The following C11orf65 variants were observed in gnomAD, a reference collection of about 807,000 sequenced individuals.
C11orf65 encodes chromosome 11 open reading frame 65, also known as protein MFI.
Under a neutral mutation model 35.3 loss-of-function variants are expected in C11orf65, and 38 were observed. The ratio of observed to expected loss-of-function variants is 1.08; its 90% CI spans 0.83 to 1.41. The LOEUF (loss-of-function observed/expected upper bound fraction) is 1.41, where lower values mean the gene tolerates loss of function less well. Ranked by LOEUF, C11orf65 falls within the 40% of genes most tolerant of loss-of-function variation. The pLI is 0.00. For synonymous variants in C11orf65, 105 were observed against 114.4 expected (o/e 0.92, Z 0.53); for missense variants, 370 against 367.1 (o/e 1.01, Z -0.06).
chr11:108,347,535 T>G (rs1179219902), intron 2 of C11orf65, among the ~76,000 whole-genome samples: 19 of 152,186 alleles, frequency 1.2e-4, no homozygotes, highest in Admixed American at 1.2e-3. Flanking sequence ...AACAGTTAAC[T>G]CTGCCTGGGG....
intron 3 of C11orf65, among the ~76,000 whole-genome samples, chr11:108,419,351 C>A (rs1591513957): frequency 1.3e-5 from 2 of 152,210 alleles, no homozygotes; most frequent in African/African-American, 2.4e-5. Flanking sequence ...AAAATTGTAT[C>A]TCAATTAAAG....
At position 108,365,397 on chromosome 11, in the gene C11orf65, G is replaced by A. The variant is rs864622625; in HGVS notation, c.226+27811C>T. On this transcript the variant is annotated intron_variant, in intron 2 of 3. Transcript: ENST00000524755. ...GACTACAAGAGAAACTGAAAGGAGT[G>A]GAAGAAGGCACTGTGCTCAGTGTTG... The A allele has an allele frequency of 6.2e-7, 1 of 1,614,202 alleles. No individual in the cohort carries two copies. Among genetic ancestry groups the A allele is most frequent in the Non-Finnish European group, 8.5e-7 (1 of 1,180,050 alleles).
intron 6 of C11orf65, among the ~76,000 whole-genome samples, chr11:108,397,222 A>G (rs1207040957): frequency 1.3e-5 from 2 of 151,644 alleles, no homozygotes; most frequent in Non-Finnish European, 2.9e-5. Flanking sequence ...TCAGGAGGCT[A>G]AGGCAGGAGA....
intron 3 of C11orf65, among the ~76,000 whole-genome samples, chr11:108,408,681 A>ATAACATAACATAACATAACATAAC (rs1565659726): frequency 3.2e-4 from 21 of 64,654 alleles, no homozygotes; most frequent in African/African-American, 1.3e-3. Context: ...CAATAAATAA[A>ATAACATAACATAACATAACATAAC]ATAAAATAAA....
At chr11:108,401,858 T>C (rs188881009) in intron 6 of C11orf65, among the ~76,000 whole-genome samples, 15 of 152,308 alleles carry the variant, frequency 9.8e-5, no homozygotes, top group Admixed American at 9.2e-4. Flanking sequence ...TCTACCTAAA[T>C]CAGGCTTTGA....
intron 2 of C11orf65, among the ~76,000 whole-genome samples, chr11:108,353,291 G>A (rs2089431499): frequency 6.6e-6 from 1 of 151,938 alleles, no homozygotes. Context: ...TGGGATTATA[G>A]GCACCTGCTA....
chr11:108,443,529 C>T (rs1052775653), intron 2 of C11orf65, among the ~76,000 whole-genome samples: 2 of 152,180 alleles, frequency 1.3e-5, no homozygotes, highest in Non-Finnish European at 2.9e-5. Flanking sequence ...TACATTTTTA[C>T]AGCATCACAC....
At chr11:108,391,139 TCA>T (rs1409555795) in intron 7 of C11orf65, among the ~76,000 whole-genome samples, 2 of 152,164 alleles carry the variant, frequency 1.3e-5, no homozygotes, top group Admixed American at 1.3e-4. Flanking sequence ...TTTTCTTATC[TCA>T]CTTTTACTGA....
At chr11:108,367,876 T>C (rs1404029067) in intron 2 of C11orf65, 3 of 205,484 alleles carry the variant, frequency 1.5e-5, no homozygotes, top group East Asian at 7.5e-5. Context: ...TTGGTATATA[T>C]TGGTAGTTTT....
At chr11:108,317,535 CT>C (rs773482152) in intron 6 of C11orf65, 3 of 1,571,220 alleles carry the variant, frequency 1.9e-6, no homozygotes, top group Middle Eastern at 1.7e-4. Context: ...AGAAATTTGA[CT>C]TGATTTTTTT....
At chr11:108,317,615 TTATATATATATATATATATATATATA>T (rs376158749) in intron 6 of C11orf65, 6 of 215,374 alleles carry the variant, frequency 2.8e-5, no homozygotes, top group African/African-American at 4.6e-5. Flanking sequence ...AGGAGTTGTT[TTATATATATATATATATATATATATA>T]TATATATATA....
At chr11:108,378,887 TCAC>T (rs2091797572), downstream of C11orf65, among the ~76,000 whole-genome samples, 1 of 151,792 alleles carries the variant, frequency 6.6e-6, no homozygotes, top group Admixed American at 6.6e-5. Context: ...ATGCTCATCA[TCAC>T]TGGCCATCAG....
rs771852478 is a variant in C11orf65 at position 108,405,551 on chromosome 11, T to C, written c.438A>G (p.Leu146=). 3.1e-6 allele frequency: 5 copies of C among 1,612,054 alleles called. No individual in the cohort carries two copies. Among genetic ancestry groups the C allele is most frequent in the East Asian group, 2.2e-5 (1 of 44,846 alleles). ...GWRPVSDTFW[L]STDGMVVEDK... is the part of the protein sequence containing the mutation. The stretch of plus-strand genomic sequence containing the variant: ...CTTCCACCACCATACCATCAGTAGA[T>C]AGCCAAAACTATTGAGAAACAAAAA... Residue 146 remains leucine, a synonymous_variant, in exon 6 of 9, where the codon CTA becomes CTG. Transcript: ENST00000393084.
chr11:108,338,641 G>A, intron 2 of C11orf65, among the ~76,000 whole-genome samples: 1 of 151,564 alleles, frequency 6.6e-6, no homozygotes, highest in Non-Finnish European at 1.5e-5. Flanking sequence ...GGACAACAGA[G>A]CAAGAACTTG....
intron 6 of C11orf65, chr11:108,312,540 C>T: frequency 4.9e-6 from 7 of 1,424,816 alleles, no homozygotes; most frequent in Non-Finnish European, 6.9e-6. Flanking sequence ...GTATTTATCT[C>T]ATACTTTGGG....
At chr11:108,367,666 T>C (rs151333766) in intron 2 of C11orf65, 1 of 213,524 alleles carries the variant, frequency 4.7e-6, no homozygotes, top group African/African-American at 2.3e-5. Flanking sequence ...GAGTTGGCAT[T>C]TCTTTTTATT....
downstream of C11orf65, among the ~76,000 whole-genome samples, chr11:108,379,520 A>T (rs1335362071): frequency 6.6e-6 from 1 of 151,908 alleles, no homozygotes; most frequent in Non-Finnish European, 1.5e-5. Context: ...AGATATACCT[A>T]ATGCTAAATG....
chr11:108,447,665 GC>G (rs1290375287), intron 2 of C11orf65, among the ~76,000 whole-genome samples: 1 of 151,898 alleles, frequency 6.6e-6, no homozygotes, highest in Non-Finnish European at 1.5e-5. Flanking sequence ...AGCACTAAAT[GC>G]CCACAAGAGA....
intron 6 of C11orf65, among the ~76,000 whole-genome samples, chr11:108,318,222 C>G (rs759964099): frequency 2.6e-5 from 4 of 151,784 alleles, no homozygotes; most frequent in Non-Finnish European, 5.9e-5. Flanking sequence ...ATTAGCCAGG[C>G]GTGGCAGCAT....
Sources: gnomAD v4.1 joint callset for allele counts (sites outside exome capture counted in the v4.1 genomes callset) on GRCh38, gnomAD v4.1.1 for gene constraint, MANE v1.5 for transcripts, NCBI Gene and HGNC (gene_info 2026-07-23, HGNC 2026-07-21) for gene names.